Variants in SMYD3 observed in about 807,000 individuals in gnomAD.
SMYD3 encodes SET and MYND domain containing 3, also known as histone-lysine N-methyltransferase SMYD3.
In SMYD3, 36 loss-of-function variants were observed where a neutral mutation model predicts 57.7. The ratio of observed to expected loss-of-function variants is 0.62; its 90% CI spans 0.48 to 0.82. The LOEUF (loss-of-function observed/expected upper bound fraction) is 0.82, where lower values mean the gene tolerates loss of function less well. Ranked by LOEUF, SMYD3 falls within the 40% of genes least tolerant of loss-of-function variation. The pLI is 0.00. For missense variants in SMYD3, 515 were observed against 538.8 expected, an observed-to-expected ratio of 0.96 and a Z score of 0.44; for synonymous variants, 211 against 195.0, an observed-to-expected ratio of 1.08 and a Z score of -0.68.
At chr1:246,387,416 A>G (rs1455863386) in intron 1 of SMYD3, among the ~76,000 whole-genome samples, 1 of 152,262 alleles carries the variant, frequency 6.6e-6, no homozygotes, top group Non-Finnish European at 1.5e-5. Flanking sequence ...CGGCATTTAA[A>G]GTGAACATGG....
At chr1:246,327,948 C>T (rs2065382658) in intron 4 of SMYD3, among the ~76,000 whole-genome samples, 1 of 152,172 alleles carries the variant, frequency 6.6e-6, no homozygotes, top group African/African-American at 2.4e-5. Context: ...AACCCCAACA[C>T]TTTGGGAGGC....
At position 246,286,040 on chromosome 1, in the gene SMYD3, G is replaced by C. The variant is rs954063363; in HGVS notation, c.531+41161C>G. Reference sequence around the variant, plus strand: ...AAGGGAACACTTCTACACTGCTGGTGGGAATGTAAACCAGTACAACCACTA... The same window carrying C: ...AAGGGAACACTTCTACACTGCTGGTCGGAATGTAAACCAGTACAACCACTA... On this transcript the variant is annotated intron_variant, in intron 5 of 11. Coordinates refer to ENST00000490107, the MANE Select transcript of SMYD3 (RefSeq NM_001167740.2). 3.9e-4 allele frequency among the ~76,000 whole-genome samples: 60 copies of C among 152,264 alleles called. 1 individual carries two copies. The highest frequency in any genetic ancestry group is 1.4e-3 in the African/African-American group (59 of 41,544).
chr1:246,030,006 CTTT>C (rs58066934), intron 5 of SMYD3, among the ~76,000 whole-genome samples: 45 of 135,100 alleles, frequency 3.3e-4, no homozygotes, highest in African/African-American at 9.5e-4. Flanking sequence ...TTCTTTCTTT[CTTT>C]TTTTTTTTTT....
intron 10 of SMYD3, among the ~76,000 whole-genome samples, chr1:245,780,186 G>GA (rs2046773750): frequency 6.6e-6 from 1 of 152,144 alleles, no homozygotes. Flanking sequence ...GTGTTCCCAT[G>GA]AAAAATGAAA....
At chr1:246,181,546 C>T (rs2062551484) in intron 5 of SMYD3, among the ~76,000 whole-genome samples, 1 of 152,224 alleles carries the variant, frequency 6.6e-6, no homozygotes, top group African/African-American at 2.4e-5. Context: ...ATGATTCACA[C>T]TTCATGCAAC....
chr1:246,343,375 A>G (rs1231382574), intron 2 of SMYD3, among the ~76,000 whole-genome samples: 1 of 152,178 alleles, frequency 6.6e-6, no homozygotes, highest in Non-Finnish European at 1.5e-5. Context: ...TTTACTCCCA[A>G]AGTGAACTGG....
intron 5 of SMYD3, among the ~76,000 whole-genome samples, chr1:246,084,442 C>T (rs1342692208): frequency 1.3e-5 from 2 of 152,084 alleles, no homozygotes; most frequent in Non-Finnish European, 2.9e-5. Flanking sequence ...TCTTCAACTC[C>T]TGGGTTCAAG....
intron 5 of SMYD3, among the ~76,000 whole-genome samples, chr1:246,183,552 A>C (rs1481304250): frequency 6.6e-6 from 1 of 152,148 alleles, no homozygotes; most frequent in Admixed American, 6.5e-5. Flanking sequence ...AAGATAAATA[A>C]AAATCCTGAC....
At chr1:245,814,652 C>A (rs2048685594) in intron 10 of SMYD3, among the ~76,000 whole-genome samples, 1 of 152,096 alleles carries the variant, frequency 6.6e-6, no homozygotes, top group African/African-American at 2.4e-5. Context: ...TTTCTAAAGG[C>A]TTCAAGGTCA....
chr1:246,063,131 T>C (rs1276645740), intron 5 of SMYD3, among the ~76,000 whole-genome samples: 1 of 152,084 alleles, frequency 6.6e-6, no homozygotes. Context: ...CTGCAGTTTA[T>C]TACAGGGAAA....
chr1:245,940,657 A>G (rs1434092370), intron 5 of SMYD3, among the ~76,000 whole-genome samples: 1 of 152,152 alleles, frequency 6.6e-6, no homozygotes, highest in Admixed American at 6.5e-5. Flanking sequence ...AACCCCACCT[A>G]AAGGTCAACA....
chr1:246,396,632 T>C (rs1427884007), intron 1 of SMYD3, among the ~76,000 whole-genome samples: 5 of 152,206 alleles, frequency 3.3e-5, no homozygotes. Flanking sequence ...CAAGCTGAAT[T>C]ATAATCCCCA....
Position 246,472,840 on chromosome 1 carries a change from T to G in SMYD3, c.164+34214A>C, listed in dbSNP as rs118189451. On this transcript the variant is annotated intron_variant, in intron 1 of 11. Coordinates refer to ENST00000490107, the MANE Select transcript of SMYD3 (RefSeq NM_001167740.2). The stretch of plus-strand genomic sequence containing the variant: ...TTCATTTCAGGGAGTCTCCCGCAGT[T>G]ACTCTCAAATTTCTTTTTTTTTTTT... Among the ~76,000 whole-genome samples the G allele has an allele frequency of 8.4e-4, 126 of 150,820 alleles. No individual in the cohort carries two copies. In the East Asian group the frequency reaches 0.02, roughly 24 times the overall value.
chr1:245,767,483 G>GGTGAAACCCCGTCAATATGT (rs1209206313), intron 10 of SMYD3, among the ~76,000 whole-genome samples: 2 of 152,174 alleles, frequency 1.3e-5, no homozygotes, highest in Non-Finnish European at 2.9e-5. Flanking sequence ...TGGTCAATAT[G>GGTGAAACCCCGTCAATATGT]GTGAAACCCC....
chr1:245,778,610 C>T (rs1354898539), intron 10 of SMYD3, among the ~76,000 whole-genome samples: 1 of 152,046 alleles, frequency 6.6e-6, no homozygotes, highest in African/African-American at 2.4e-5. Flanking sequence ...AATGTATAGT[C>T]TAGTCTAGGA....
intron 10 of SMYD3, among the ~76,000 whole-genome samples, chr1:245,774,349 A>G (rs1017549742): frequency 1.3e-5 from 2 of 152,206 alleles, no homozygotes; most frequent in African/African-American, 4.8e-5. Flanking sequence ...GAAACAGATT[A>G]CATGCAAGAG....
intron 11 of SMYD3, among the ~76,000 whole-genome samples, chr1:245,762,550 AGACGGTGCGG>A (rs1281921757): frequency 6.6e-5 from 10 of 152,226 alleles, no homozygotes; most frequent in Admixed American, 1.3e-4. Flanking sequence ...AGGCTGCAAC[AGACGGTGCGG>A]TGTTCTTCCC....
intron 2 of SMYD3, among the ~76,000 whole-genome samples, chr1:246,349,675 C>T (rs2065789980): frequency 6.6e-6 from 1 of 152,166 alleles, no homozygotes; most frequent in South Asian, 2.1e-4. Flanking sequence ...GGTACTCATT[C>T]TACCTGTAAA....
chr1:245,775,231 T>C (rs1028281683), intron 10 of SMYD3, among the ~76,000 whole-genome samples: 3 of 152,088 alleles, frequency 2.0e-5, no homozygotes, highest in Non-Finnish European at 4.4e-5. Flanking sequence ...CAGCAGGTCA[T>C]TGAGAACGGG....
Sources: allele counts gnomAD v4.1 joint callset (sites outside exome capture counted in the v4.1 genomes callset), GRCh38; gene constraint gnomAD v4.1.1; transcripts MANE v1.5; gene names NCBI Gene and HGNC (gene_info 2026-07-23, HGNC 2026-07-21).